The following PATJ variants were observed in gnomAD, a reference collection of about 807,000 sequenced individuals.
The protein encoded by PATJ is inaD-like protein.
A neutral mutation model predicts 224.9 loss-of-function variants in PATJ; 190 were observed. The observed-to-expected ratio is 0.84, with a 90% CI of 0.75 to 0.95. The LOEUF (loss-of-function observed/expected upper bound fraction) is 0.95, where lower values mean the gene tolerates loss of function less well. Ranked by LOEUF, PATJ falls within the 40% of genes least tolerant of loss-of-function variation. The pLI is 0.00. For synonymous variants in PATJ, 769 were observed against 820.3 expected, an observed-to-expected ratio of 0.94 and a Z score of 1.07; for missense variants, 2,121 against 2,270.3, an observed-to-expected ratio of 0.93 and a Z score of 1.34.
chr1:62,012,105 C>T (rs1177986975), intron 28 of PATJ, among the ~76,000 whole-genome samples: 1 of 151,904 alleles, frequency 6.6e-6, no homozygotes, highest in Non-Finnish European at 1.5e-5. Flanking sequence ...TTGTAGTGAC[C>T]TGGTTTTTGG....
At chr1:62,088,669 T>G (rs551345274) in intron 33 of PATJ, among the ~76,000 whole-genome samples, 1 of 152,078 alleles carries the variant, frequency 6.6e-6, no homozygotes, top group South Asian at 2.1e-4. Context: ...ATAGGATGTT[T>G]AGCACACAGT....
chr1:61,809,379 T>C (rs1436721451), intron 14 of PATJ, among the ~76,000 whole-genome samples: 1 of 150,512 alleles, frequency 6.6e-6, no homozygotes, highest in African/African-American at 2.4e-5. Context: ...GTTTTAAGAA[T>C]GTATTTTCTT....
chr1:61,864,696 T>G, intron 20 of PATJ, 63 bp downstream of exon 20: 2 of 1,421,062 alleles, frequency 1.4e-6, no homozygotes, highest in Non-Finnish European at 1.9e-6. Context: ...TCCCTGTCTC[T>G]AACTCATGTC....
intron 31 of PATJ, chr1:62,072,938 A>G: frequency 9.5e-6 from 6 of 634,878 alleles, no homozygotes; most frequent in Non-Finnish European, 1.2e-5. Flanking sequence ...ACTGAAGCCC[A>G]ATTAAATGTA....
intron 33 of PATJ, among the ~76,000 whole-genome samples, chr1:62,095,194 A>G (rs1214171220): frequency 6.6e-6 from 1 of 152,226 alleles, no homozygotes; most frequent in African/African-American, 2.4e-5. Flanking sequence ...TGAGTGTTAG[A>G]TTCATCCAAA....
chr1:61,802,887 A>T (rs985382443), intron 12 of PATJ, among the ~76,000 whole-genome samples: 4 of 152,176 alleles, frequency 2.6e-5, no homozygotes, highest in Non-Finnish European at 4.4e-5. Context: ...CGCCAGCTAA[A>T]TGAAACTCCT....
chr1:62,148,485 C>G, intron 42 of PATJ, 95 bp downstream of exon 42: 3 of 834,030 alleles, frequency 3.6e-6, no homozygotes, highest in Non-Finnish European at 6.1e-6. Context: ...GGAGAAGTGG[C>G]CAAAGCGCCC....
At position 61,899,608 on chromosome 1, in the gene PATJ, G is replaced by A. The variant is rs781130591; in HGVS notation, c.3157G>A (p.Glu1053Lys). 12 of 1,610,366 alleles carry A rather than the reference G, an allele frequency of 7.5e-6. No individual in the cohort carries two copies. Among genetic ancestry groups the A allele is most frequent in the Admixed American group, 1.7e-5 (1 of 59,180 alleles). Residue 1053 changes from glutamate (E) to lysine (K), a missense_variant, in exon 23 of 44, where the codon GAA (glutamate) becomes AAA (lysine). Physicochemically the swap from Glu to Lys is moderately conservative, Grantham distance 56. Coordinates refer to ENST00000642238, the MANE Select transcript of PATJ (RefSeq NM_001350145.3). ...TGAGTTACCTGAGAGAGAAGAAGGC[G>A]AAGGAGAAGAAACTCCAAATTTTAG... ...TCELPEREEG[E>K]GEETPNFSHW... is the part of the protein sequence containing the mutation.
chr1:61,915,372 C>T (rs1673302553), intron 26 of PATJ, among the ~76,000 whole-genome samples: 1 of 152,210 alleles, frequency 6.6e-6, no homozygotes, highest in Non-Finnish European at 1.5e-5. Flanking sequence ...TATCCCAGTA[C>T]AAATGCTGCA....
At chr1:62,076,009 C>G (rs971739934) in intron 31 of PATJ, among the ~76,000 whole-genome samples, 1 of 151,922 alleles carries the variant, frequency 6.6e-6, no homozygotes, top group Non-Finnish European at 1.5e-5. Flanking sequence ...GGTTCTTAAC[C>G]CTGTTTTATA....
At chr1:62,148,830 T>A (rs1342938798) in intron 42 of PATJ, among the ~76,000 whole-genome samples, 1 of 152,068 alleles carries the variant, frequency 6.6e-6, no homozygotes, top group Non-Finnish European at 1.5e-5. Flanking sequence ...AGAATATGCA[T>A]AAGAGTAATC....
At chr1:61,805,418 T>G in intron 12 of PATJ, 30 bp from the exon 13 acceptor site, 1 of 1,420,388 alleles carries the variant, frequency 7.0e-7, no homozygotes, top group Non-Finnish European at 9.9e-7. Context: ...CAACATTCTC[T>G]CGCTCTCTCT....
chr1:61,780,251 G>A (rs1052685485), intron 7 of PATJ, among the ~76,000 whole-genome samples: 1 of 152,088 alleles, frequency 6.6e-6, no homozygotes, highest in African/African-American at 2.4e-5. Flanking sequence ...ATCACTTGAG[G>A]TCAGGAGTTC....
Position 61,787,884 on chromosome 1 carries a change from A to C in PATJ, c.980A>C (p.Asp327Ala), listed in dbSNP as rs1252625623. ...TCAGTCAGGATGCTCGTTGCTAGAG[A>C]TCCAGCTGGTGACATTTCAGTCACC... ...GNSVRMLVAR[D>A]PAGDISVTPP... Residue 327 changes from aspartate to alanine, a missense_variant, in exon 8 of 44, where the codon GAT becomes GCT. Coordinates refer to ENST00000642238, the MANE Select transcript of PATJ (RefSeq NM_001350145.3). 1 of 1,613,984 alleles carries C rather than the reference A, an allele frequency of 6.2e-7. No individual in the cohort carries two copies. Among genetic ancestry groups the C allele is most frequent in the Non-Finnish European group, 8.5e-7 (1 of 1,180,022 alleles).
rs192716532 is a variant in PATJ at position 62,011,253 on chromosome 1, C to T, written c.3868-6603C>T. ...AACAGGCCTAGCTTTCAGCTTAGCT[C>T]AGCTTTTGACATGCCTTCCTCACTA... On this transcript the variant is annotated intron_variant, in intron 28 of 43. Transcript: ENST00000642238. Among the ~76,000 whole-genome samples the T allele has an allele frequency of 5.6e-4, 86 of 152,322 alleles. No homozygotes were observed. The East Asian group carries it at 0.015, about 27-fold the overall frequency.
chr1:61,957,665 T>C (rs1189466408), intron 27 of PATJ, among the ~76,000 whole-genome samples: 2 of 152,218 alleles, frequency 1.3e-5, no homozygotes, highest in Non-Finnish European at 2.9e-5. Context: ...TGGCCCATTA[T>C]GTGTGTTGGT....
chr1:62,140,718 T>G (rs1367364443), intron 41 of PATJ, among the ~76,000 whole-genome samples: 1 of 151,920 alleles, frequency 6.6e-6, no homozygotes, highest in Non-Finnish European at 1.5e-5. Flanking sequence ...GTATGGTGGA[T>G]TTCATGGACT....
At chr1:62,080,091 ATTATTC>A (rs147525558) in intron 32 of PATJ, among the ~76,000 whole-genome samples, 4,335 of 151,934 alleles carry the variant, frequency 0.029, 108 homozygotes, top group African/African-American at 0.058. Flanking sequence ...AGGCTTCTGT[ATTATTC>A]TTCTCTAATC....
At chr1:61,890,678 G>A (rs1669487219) in intron 22 of PATJ, among the ~76,000 whole-genome samples, 1 of 151,824 alleles carries the variant, frequency 6.6e-6, no homozygotes, top group African/African-American at 2.4e-5. Context: ...TTTATTTTCT[G>A]TAGAGATAAG....
Sources: gnomAD v4.1 joint callset for allele counts (sites outside exome capture counted in the v4.1 genomes callset) on GRCh38, gnomAD v4.1.1 for gene constraint, MANE v1.5 for transcripts, NCBI Gene and HGNC (gene_info 2026-07-23, HGNC 2026-07-21) for gene names.